Variants in TENM4 observed in about 807,000 individuals in gnomAD.
The protein encoded by TENM4 is teneurin-4.
Under a neutral mutation model 243.3 loss-of-function variants are expected in TENM4, and 82 were observed. The ratio of observed to expected loss-of-function variants is 0.34; its 90% CI spans 0.28 to 0.40. The LOEUF (loss-of-function observed/expected upper bound fraction) is 0.40, where lower values mean the gene tolerates loss of function less well. Ranked by LOEUF, TENM4 falls within the 10% of genes least tolerant of loss-of-function variation. The pLI is 1.00. For missense variants in TENM4, 3,138 were observed against 3,673.3 expected (o/e 0.85, Z 3.77); for synonymous variants, 1,412 against 1,456.3 (o/e 0.97, Z 0.69).
At position 78,675,235 on chromosome 11, in the gene TENM4, G is replaced by A. The variant is rs185369162; in HGVS notation, c.5496+917C>T. Among the ~76,000 whole-genome samples the A allele has an allele frequency of 3.9e-5, 6 of 152,244 alleles. No individual in the cohort carries two copies. In the East Asian group the frequency reaches 9.6e-4, roughly 24 times the overall value. On this transcript the variant is annotated intron_variant, in intron 30 of 33. Coordinates refer to ENST00000278550, the MANE Select transcript of TENM4 (RefSeq NM_001098816.3). Reference sequence around the variant, plus strand: ...AAATCGTTTACCCTCTCTGGATCTCGATTGTCTCATGTGTAAAAGAGGGGC... The same window carrying A: ...AAATCGTTTACCCTCTCTGGATCTCAATTGTCTCATGTGTAAAAGAGGGGC...
intron 4 of TENM4, among the ~76,000 whole-genome samples, chr11:79,141,664 C>T (rs1277192846): frequency 6.6e-6 from 1 of 151,912 alleles, no homozygotes; most frequent in African/African-American, 2.4e-5. Flanking sequence ...CCCTGATACC[C>T]AAGCCAGACA....
At chr11:78,704,880 A>G (rs1047031788) in intron 27 of TENM4, among the ~76,000 whole-genome samples, 2 of 152,202 alleles carry the variant, frequency 1.3e-5, no homozygotes, top group South Asian at 4.1e-4. Flanking sequence ...GGACATTCTC[A>G]GGAGGGGGCA....
intron 2 of TENM4, among the ~76,000 whole-genome samples, chr11:79,248,033 T>A (rs566122366): frequency 6.6e-6 from 1 of 152,304 alleles, no homozygotes; most frequent in Non-Finnish European, 1.5e-5. Context: ...CACGCAGGGC[T>A]GGCCATCCAT....
intron 23 of TENM4, among the ~76,000 whole-genome samples, chr11:78,725,581 C>A (rs1425469825): frequency 2.0e-5 from 3 of 152,206 alleles, no homozygotes; most frequent in Admixed American, 1.3e-4. Flanking sequence ...GCTTAAATCA[C>A]AATGAACCTT....
At position 79,064,869 on chromosome 11, in the gene TENM4, G is replaced by C. The variant is rs985357407; in HGVS notation, c.362C>G (p.Thr121Arg). The C allele has an allele frequency of 6.4e-7, 1 of 1,550,738 alleles. No homozygotes were observed. Among genetic ancestry groups the C allele is most frequent in the African/African-American group, 1.4e-5 (1 of 73,024 alleles). Residue 121 changes from threonine to arginine, a missense_variant, in exon 6 of 34, where the codon ACG becomes AGG. This residue lies in a region of TENM4 where 671 missense variants were observed against 614.1 expected (regional missense o/e 1.09). Coordinates refer to ENST00000278550, the MANE Select transcript of TENM4 (RefSeq NM_001098816.3). The stretch of plus-strand genomic sequence containing the variant: ...CACGGGGTGCTCAGGGGACAGCACC[G>C]TGTCAGCCTCCATGTCGGCATCAGA... ...AGSDADMEAD[T>R]VLSPEHPVRL...
At chr11:79,168,509 G>T (rs992913682) in intron 3 of TENM4, among the ~76,000 whole-genome samples, 2 of 152,112 alleles carry the variant, frequency 1.3e-5, no homozygotes, top group East Asian at 1.9e-4. Context: ...GGACCACATG[G>T]ACTAAAGGGA....
At chr11:79,394,718 G>A (rs1858305587) in intron 1 of TENM4, among the ~76,000 whole-genome samples, 1 of 152,234 alleles carries the variant, frequency 6.6e-6, no homozygotes. Flanking sequence ...AAGTTAAGGT[G>A]TAGTCCTGAT....
At chr11:79,374,451 T>G (rs1857849324) in intron 1 of TENM4, among the ~76,000 whole-genome samples, 1 of 152,136 alleles carries the variant, frequency 6.6e-6, no homozygotes, top group Admixed American at 6.5e-5. Context: ...AATGGTTGCA[T>G]TTAGCCCACT....
chr11:78,701,903 G>A lies in TENM4; in HGVS notation c.4710C>T (p.Leu1570=). ...ACAGCTCATACATGTTCTGGGTGTT[G>A]AGGAAAGGCTTGTTCTTCCGGATAA... ...IRFIRKNKPF[L]NTQNMYELSS... Residue 1570 remains leucine, a synonymous_variant, in exon 28 of 34, where the codon CTC becomes CTT. Coordinates refer to ENST00000278550, the MANE Select transcript of TENM4 (RefSeq NM_001098816.3). 1 of 1,614,022 alleles carries A rather than the reference G, an allele frequency of 6.2e-7. No homozygotes were observed. Among genetic ancestry groups the A allele is most frequent in the Non-Finnish European group, 8.5e-7 (1 of 1,179,884 alleles).
chr11:78,911,045 G>A (rs531559645), intron 6 of TENM4, among the ~76,000 whole-genome samples: 4 of 152,172 alleles, frequency 2.6e-5, no homozygotes, highest in Admixed American at 6.5e-5. Flanking sequence ...CAGAACTTTC[G>A]GTGAACACTC....
chr11:79,409,105 C>CGCGCGTGCGT (rs1565334653), intron 1 of TENM4, among the ~76,000 whole-genome samples: 1 of 77,812 alleles, frequency 1.3e-5, no homozygotes, highest in Non-Finnish European at 2.8e-5. Context: ...TGTGTGTGCG[C>CGCGCGTGCGT]GCGCGCGCGT....
intron 6 of TENM4, among the ~76,000 whole-genome samples, chr11:79,037,275 T>C (rs1277238793): frequency 6.6e-6 from 1 of 152,186 alleles, no homozygotes; most frequent in Non-Finnish European, 1.5e-5. Context: ...AGCCCTCAAC[T>C]ACATGGCAAG....
At chr11:78,721,156 T>G (rs1304165434) in intron 24 of TENM4, among the ~76,000 whole-genome samples, 1 of 152,172 alleles carries the variant, frequency 6.6e-6, no homozygotes, top group Non-Finnish European at 1.5e-5. Context: ...TCTGTTGTGG[T>G]CCATATATGC....
intron 9 of TENM4, among the ~76,000 whole-genome samples, chr11:78,880,574 G>T (rs975848888): frequency 1.3e-5 from 2 of 150,260 alleles, no homozygotes; most frequent in Admixed American, 6.6e-5. Context: ...GGCTGCTGTT[G>T]TTATTAAAAA....
At chr11:79,242,752 C>T (rs1267089379) in intron 2 of TENM4, among the ~76,000 whole-genome samples, 1 of 152,140 alleles carries the variant, frequency 6.6e-6, no homozygotes, top group African/African-American at 2.4e-5. Context: ...TAGTGAACAC[C>T]CGTGTGGATT....
intron 14 of TENM4, among the ~76,000 whole-genome samples, chr11:78,808,904 G>T (rs1857441274): frequency 6.6e-6 from 1 of 152,164 alleles, no homozygotes; most frequent in South Asian, 2.1e-4. Context: ...GGCCCATTAG[G>T]CTTCTGTGAC....
intron 25 of TENM4, among the ~76,000 whole-genome samples, chr11:78,717,182 G>T (rs1451723428): frequency 6.6e-6 from 1 of 152,178 alleles, no homozygotes; most frequent in Non-Finnish European, 1.5e-5. Flanking sequence ...GGCCTTCAGG[G>T]TACCATTCCT....
chr11:78,868,091 A>AAT (rs386374262), intron 9 of TENM4, among the ~76,000 whole-genome samples: 1 of 151,294 alleles, frequency 6.6e-6, no homozygotes. Context: ...AAAAAAAAAA[A>AAT]AGCTAACAAA....
chr11:79,266,079 G>C (rs555558039), intron 2 of TENM4, among the ~76,000 whole-genome samples: 1 of 152,288 alleles, frequency 6.6e-6, no homozygotes, highest in African/African-American at 2.4e-5. Context: ...TACTGCTGTT[G>C]TAACACTTCT....
Sources: allele counts gnomAD v4.1 joint callset (sites outside exome capture counted in the v4.1 genomes callset), GRCh38; gene constraint gnomAD v4.1.1; regional missense constraint gnomAD v4.1.1; transcripts MANE v1.5; gene names NCBI Gene and HGNC (gene_info 2026-07-23, HGNC 2026-07-21).